The following INTS12 variants were observed in gnomAD, a reference collection of about 807,000 sequenced individuals.
INTS12 encodes the protein PHD finger protein 22.
Under a neutral mutation model 41.6 loss-of-function variants are expected in INTS12, and 13 were observed. The observed-to-expected ratio is 0.31, with a 90% confidence interval of 0.20 to 0.50. INTS12 has a LOEUF of 0.50. INTS12 is among the 20% of genes least tolerant of loss of function. INTS12 has a pLI of 0.98. For missense variants in INTS12, 432 were observed against 541.6 expected, an observed-to-expected ratio of 0.80 and a Z score of 2.01; for synonymous variants, 199 against 191.4, an observed-to-expected ratio of 1.04 and a Z score of -0.33.
chr4:105,704,003 T>C (rs1413068198), intron 1 of INTS12, among the ~76,000 whole-genome samples, 194 bp from the exon 2 acceptor site: 3 of 151,410 alleles, frequency 2.0e-5, no homozygotes, highest in African/African-American at 4.8e-5. Context: ...ATGGATTATT[T>C]CCCATATCTT....
At chr4:105,705,476 T>C (rs1732233875) in intron 1 of INTS12, 1 of 152,310 alleles carries the variant, frequency 6.6e-6, no homozygotes, top group Non-Finnish European at 1.5e-5. Flanking sequence ...ACTTGAATCA[T>C]CCTGAAACCA....
chr4:105,688,304 G>T (rs1166665299), intron 6 of INTS12, among the ~76,000 whole-genome samples: 3 of 152,150 alleles, frequency 2.0e-5, no homozygotes, highest in African/African-American at 7.2e-5. Flanking sequence ...CTATACCAGG[G>T]AATTTATTAA....
At chr4:105,691,071 T>G (rs1428876398) in intron 6 of INTS12, among the ~76,000 whole-genome samples, 1 of 152,206 alleles carries the variant, frequency 6.6e-6, no homozygotes, top group Non-Finnish European at 1.5e-5. Context: ...ACACTTCCTA[T>G]TTCTGATTTA....
At chr4:105,698,289 T>C (rs1731941911) in intron 3 of INTS12, among the ~76,000 whole-genome samples, 3 of 152,204 alleles carry the variant, frequency 2.0e-5, no homozygotes, top group Admixed American at 2.0e-4. Flanking sequence ...AAGCATTACC[T>C]CCAGGTGATT....
chr4:105,690,188 T>C (rs541416103), intron 6 of INTS12, among the ~76,000 whole-genome samples: 2 of 152,320 alleles, frequency 1.3e-5, no homozygotes, highest in South Asian at 4.1e-4. Flanking sequence ...TGAATGTGTA[T>C]GCTGAAGCAG....
chr4:105,687,195 T>C (rs530614287), intron 6 of INTS12: 1 of 231,996 alleles, frequency 4.3e-6, no homozygotes, highest in African/African-American at 2.4e-5. Flanking sequence ...TTGGGGTTTG[T>C]CAAATACACA....
intron 6 of INTS12, among the ~76,000 whole-genome samples, chr4:105,687,322 T>C (rs145084546): frequency 1.1e-4 from 17 of 152,298 alleles, no homozygotes; most frequent in South Asian, 2.1e-4. Flanking sequence ...AAAAAAACTA[T>C]TGATAAATGA....
At chr4:105,706,374 C>G (rs1314140972) in intron 1 of INTS12, 2 of 152,006 alleles carry the variant, frequency 1.3e-5, no homozygotes, top group African/African-American at 4.9e-5. Flanking sequence ...CCTGCCTCAG[C>G]CTCCCAAGCA....
At chr4:105,702,534 C>G (rs925959832) in intron 2 of INTS12, among the ~76,000 whole-genome samples, 5 of 152,182 alleles carry the variant, frequency 3.3e-5, no homozygotes, top group Non-Finnish European at 7.4e-5. Context: ...GGAGCTTTAT[C>G]TTCAGCCAGT....
At chr4:105,693,539 T>A (rs550719801) in intron 4 of INTS12, 53 bp from the exon 5 acceptor site, 13 of 1,481,244 alleles carry the variant, frequency 8.8e-6, no homozygotes, top group Non-Finnish European at 1.2e-5. Context: ...GAATAAACTT[T>A]AAGTCACTGA....
chr4:105,686,954 T>C lies in INTS12; in HGVS notation c.658-116A>G, dbSNP rs374190362. On this transcript the variant is annotated intron_variant, in intron 6 of 7. Transcript: ENST00000340139. ...AAATACAGTTGAACATTTTAAAAAA[T>C]AGTGTGATGATAATGAATATATATG... 1.1e-5 allele frequency: 9 copies of C among 848,336 alleles called. No individual in the cohort carries two copies. The African/African-American group carries it at 1.2e-4, about 11-fold the overall frequency. The allele number at this position is 848,336 out of a possible 1,614,324, so 52.6% of individuals were successfully genotyped here.
chr4:105,687,166 G>A, intron 6 of INTS12: 1 of 262,142 alleles, frequency 3.8e-6, no homozygotes, highest in East Asian at 1.2e-4. Context: ...TACTCATGAT[G>A]AAGTACATTT....
At position 105,683,220 on chromosome 4, in the gene INTS12, G is replaced by C. The variant is rs1362666368; in HGVS notation, c.902C>G (p.Ser301Cys). 1 of 1,614,102 alleles carries C rather than the reference G, an allele frequency of 6.2e-7. No individual in the cohort carries two copies. The highest frequency in any genetic ancestry group is 1.7e-5 in the Admixed American group (1 of 60,004). Residue 301 changes from serine to cysteine, a missense_variant, in exon 8 of 8, where the codon TCC (serine) becomes TGC (cysteine). Transcript: ENST00000340139. ...TTTTGCTGTTGAAGGACCAGCAGAG[G>C]AAGTTTTGGCTGCAAAAGCTGCCCA... ...TGWAAFAAKT[S>C]SAGPSTAKLS...
At chr4:105,701,529 GTC>G (rs1732072991) in intron 2 of INTS12, among the ~76,000 whole-genome samples, 1 of 151,982 alleles carries the variant, frequency 6.6e-6, no homozygotes, top group Non-Finnish European at 1.5e-5. Context: ...CATGGGGCTG[GTC>G]ACCATGTACG....
intron 6 of INTS12, among the ~76,000 whole-genome samples, chr4:105,689,561 C>CT (rs1328051833): frequency 2.0e-5 from 3 of 152,142 alleles, no homozygotes; most frequent in Non-Finnish European, 2.9e-5. Flanking sequence ...CCATTTAGTA[C>CT]TTTGACTTCT....
intron 6 of INTS12, among the ~76,000 whole-genome samples, chr4:105,690,630 A>G (rs1260131347): frequency 6.6e-6 from 1 of 152,188 alleles, no homozygotes; most frequent in Non-Finnish European, 1.5e-5. Context: ...CTAGTTAGCT[A>G]TAGAAGCTCA....
intron 3 of INTS12, among the ~76,000 whole-genome samples, 179 bp from the exon 4 acceptor site, chr4:105,695,847 C>A (rs1421172236): frequency 1.3e-5 from 2 of 151,728 alleles, no homozygotes; most frequent in Non-Finnish European, 2.9e-5. Context: ...CAAACTGTAC[C>A]TTTTTTATTT....
At chr4:105,695,479 T>C in intron 4 of INTS12, 37 bp downstream of exon 4, 1 of 1,522,218 alleles carries the variant, frequency 6.6e-7, no homozygotes, top group South Asian at 1.2e-5. Context: ...GAACAACTAA[T>C]TTACTTTCTT....
chr4:105,683,834 C>T (rs1011465376), intron 7 of INTS12, among the ~76,000 whole-genome samples: 4 of 151,880 alleles, frequency 2.6e-5, no homozygotes, highest in African/African-American at 9.7e-5. Flanking sequence ...AGAAAGAAGA[C>T]AGCTGTATAG....
Sources: allele counts gnomAD v4.1 joint callset (sites outside exome capture counted in the v4.1 genomes callset), GRCh38; gene constraint gnomAD v4.1.1; transcripts MANE v1.5; gene names NCBI Gene and HGNC (gene_info 2026-07-23, HGNC 2026-07-21).